Variants in TRIM37 observed in about 807,000 individuals in gnomAD.
TRIM37 encodes the protein E3 ubiquitin-protein ligase TRIM37.
A neutral mutation model predicts 129.8 loss-of-function variants in TRIM37; 80 were observed. The observed-to-expected ratio is 0.62, with a 90% CI of 0.51 to 0.74. TRIM37 has a LOEUF of 0.74. Among genes scored for constraint, TRIM37 ranks in the 30% least tolerant of loss-of-function variants. The pLI, the probability that TRIM37 is intolerant of heterozygous loss-of-function variation, is 0.00. For missense variants in TRIM37, 1,054 were observed against 1,176.5 expected, an observed-to-expected ratio of 0.90 and a Z score of 1.52; for synonymous variants, 389 against 387.1, an observed-to-expected ratio of 1.00 and a Z score of -0.06.
intron 9 of TRIM37, among the ~76,000 whole-genome samples, chr17:59,068,475 T>C (rs2042100226): frequency 6.6e-6 from 1 of 152,216 alleles, no homozygotes; most frequent in Non-Finnish European, 1.5e-5. Flanking sequence ...AAAATCTGTT[T>C]CATTCCACAG....
chr17:59,019,598 C>T (rs927232135), intron 19 of TRIM37, among the ~76,000 whole-genome samples: 6 of 152,006 alleles, frequency 3.9e-5, no homozygotes, highest in Non-Finnish European at 8.8e-5. Context: ...GTCCCAGCTA[C>T]TTGGGAGGCT....
At chr17:58,984,962 A>G (rs1048147752) in intron 24 of TRIM37, 1 of 152,648 alleles carries the variant, frequency 6.6e-6, no homozygotes, top group African/African-American at 2.4e-5. Context: ...TGTTCATAAC[A>G]TTTCTCTGCA....
Position 59,015,770 on chromosome 17 carries a change from T to C in TRIM37, c.2416A>G (p.Arg806Gly), listed in dbSNP as rs781684450. 3.1e-6 allele frequency: 5 copies of C among 1,613,668 alleles called. No individual in the cohort carries two copies. Among genetic ancestry groups the C allele is most frequent in the Non-Finnish European group, 4.2e-6 (5 of 1,179,994 alleles). ...ATCAAGGCTCGGGGAGAACTGTGCC[T>C]GCTCCCAGACTGAGAGCTTCCTGGG... ...GSPGSSQSGS[R>G]HSSPRALIHG... Residue 806 changes from arginine to glycine, a missense_variant, in exon 21 of 24, where the codon AGG (arginine) becomes GGG (glycine). Arg to Gly is a moderately radical substitution (Grantham distance 125). Coordinates refer to ENST00000262294, the MANE Select transcript of TRIM37 (RefSeq NM_015294.6).
At chr17:59,092,544 C>T (rs2044491445) in intron 2 of TRIM37, among the ~76,000 whole-genome samples, 1 of 151,774 alleles carries the variant, frequency 6.6e-6, no homozygotes, top group South Asian at 2.1e-4. Flanking sequence ...TATTAGGAAA[C>T]TGAGAGCAAT....
chr17:59,000,475 CCT>C (rs2033565669), intron 23 of TRIM37, among the ~76,000 whole-genome samples: 1 of 152,032 alleles, frequency 6.6e-6, no homozygotes, highest in Non-Finnish European at 1.5e-5. Flanking sequence ...GTGGCACATG[CCT>C]GTAGTCCCAG....
At position 59,049,251 on chromosome 17, in the gene TRIM37, G is replaced by T; in HGVS notation, c.1457C>A (p.Pro486His). The change falls in exon 15 of 24, where the codon CCT (proline) becomes CAT (histidine). Residue 486 changes from proline to histidine, a missense_variant. This residue lies in a region of TRIM37 where 752 missense variants were observed against 870.8 expected (regional missense o/e 0.86). Coordinates refer to ENST00000262294, the MANE Select transcript of TRIM37 (RefSeq NM_015294.6). ...GGCCTCTCTTACAGAAGCTGTAGTA[G>T]GACCACCTTCGAGAAGCATGTCAGA... ...ACSDMLLEGG[P>H]TTASVREAKE... is the part of the protein sequence containing the mutation. 1 of 1,613,936 alleles carries T rather than the reference G, an allele frequency of 6.2e-7. No individual in the cohort carries two copies. Among genetic ancestry groups the T allele is most frequent in the Non-Finnish European group, 8.5e-7 (1 of 1,179,996 alleles).
intron 19 of TRIM37, among the ~76,000 whole-genome samples, chr17:59,023,568 T>C (rs1038656509): frequency 1.3e-5 from 2 of 151,736 alleles, no homozygotes; most frequent in African/African-American, 4.8e-5. Flanking sequence ...GGCTGGAGAA[T>C]AGCATGAACC....
At chr17:59,052,944 A>T (rs936321497) in intron 13 of TRIM37, among the ~76,000 whole-genome samples, 1 of 146,376 alleles carries the variant, frequency 6.8e-6, no homozygotes, top group Non-Finnish European at 1.5e-5. Flanking sequence ...AACAGAGCGA[A>T]ACTCTGTCTC....
intron 9 of TRIM37, among the ~76,000 whole-genome samples, chr17:59,067,838 C>T (rs752746576): frequency 6.9e-6 from 1 of 144,042 alleles, no homozygotes; most frequent in Non-Finnish European, 1.6e-5. Context: ...GCCCAGCCCA[C>T]AGTAAAATAT....
At chr17:58,971,010 G>C in the TRIM37 span, among the ~76,000 whole-genome samples, 49 of 151,928 alleles carry the variant, frequency 3.2e-4, no homozygotes, top group African/African-American at 1.2e-3. Context: ...TACCTCATTT[G>C]TTTTGTCAGT....
intron 20 of TRIM37, 121 bp from the exon 21 acceptor site, chr17:59,015,920 A>G (rs1261713087): frequency 1.2e-6 from 1 of 860,196 alleles, no homozygotes; most frequent in African/African-American, 1.7e-5. Context: ...CGGAGGTTGC[A>G]GTGAGCTGAG....
chr17:58,990,682 T>C (rs1225706209), intron 24 of TRIM37, among the ~76,000 whole-genome samples: 2 of 148,902 alleles, frequency 1.3e-5, no homozygotes, highest in Non-Finnish European at 3.0e-5. Context: ...TCCCAGCTAC[T>C]CAGGAGGGTG....
chr17:59,106,265 A>AC, intron 1 of TRIM37, among the ~76,000 whole-genome samples, 176 bp downstream of exon 1: 1 of 152,222 alleles, frequency 6.6e-6, no homozygotes, highest in Admixed American at 6.5e-5. Flanking sequence ...AGCACAAGAC[A>AC]CCCGGAGCGC....
intron 3 of TRIM37, among the ~76,000 whole-genome samples, chr17:59,089,501 C>T (rs544397363): frequency 1.5e-4 from 23 of 151,822 alleles, no homozygotes; most frequent in Admixed American, 1.2e-3. Flanking sequence ...ATTAGCTGGG[C>T]GTGGTGGCAC....
At chr17:59,104,715 T>G (rs958515347) in intron 1 of TRIM37, among the ~76,000 whole-genome samples, 5 of 152,044 alleles carry the variant, frequency 3.3e-5, no homozygotes, top group African/African-American at 1.2e-4. Context: ...ATTAAGTAAA[T>G]TATGGCAGTT....
chr17:58,995,982 C>G (rs562077653), downstream of TRIM37, among the ~76,000 whole-genome samples: 20 of 151,906 alleles, frequency 1.3e-4, no homozygotes, highest in East Asian at 3.9e-3. Context: ...GCATGGGTAA[C>G]AAAGCCAGAC....
chr17:59,047,940 C>T (rs1420776259), intron 15 of TRIM37, 121 bp from the exon 16 acceptor site: 2 of 1,142,700 alleles, frequency 1.8e-6, no homozygotes, highest in East Asian at 2.5e-5. Context: ...CTATTTTCTG[C>T]TCCTGTGCCT....
At chr17:59,004,745 T>C (rs188825274) in intron 22 of TRIM37, among the ~76,000 whole-genome samples, 1 of 152,356 alleles carries the variant, frequency 6.6e-6, no homozygotes, top group Admixed American at 6.5e-5. Flanking sequence ...GAAAAATCGA[T>C]GGGTATTTTA....
chr17:58,982,779 A>C, exon 25 of TRIM37: 1 of 713,720 alleles, frequency 1.4e-6, no homozygotes, highest in Non-Finnish European at 2.3e-6. Flanking sequence ...AAAAGGAGTC[A>C]ACATGGCCCC....
Sources: allele counts gnomAD v4.1 joint callset (sites outside exome capture counted in the v4.1 genomes callset), GRCh38; gene constraint gnomAD v4.1.1; regional missense constraint gnomAD v4.1.1; transcripts MANE v1.5; gene names NCBI Gene and HGNC (gene_info 2026-07-23, HGNC 2026-07-21).